The following SPI1 variants were observed in gnomAD, a reference collection of about 807,000 sequenced individuals.
The protein encoded by SPI1 is transcription factor PU.1.
Under a neutral mutation model 30.7 loss-of-function variants are expected in SPI1, and 3 were observed. The observed-to-expected ratio is 0.10, with a 90% CI of 0.04 to 0.25. The LOEUF (loss-of-function observed/expected upper bound fraction) is 0.25, where lower values mean the gene tolerates loss of function less well. Ranked by LOEUF, SPI1 falls within the 10% of genes least tolerant of loss-of-function variation. SPI1 has a pLI of 1.00. For synonymous variants in SPI1, 169 were observed against 157.1 expected (o/e 1.08, Z -0.56); for missense variants, 261 against 371.5 (o/e 0.70, Z 2.45).
intron 2 of SPI1, among the ~76,000 whole-genome samples, chr11:47,370,946 T>C (rs1276420537): frequency 6.6e-6 from 1 of 152,000 alleles, no homozygotes; most frequent in Non-Finnish European, 1.5e-5. Context: ...ATAAAATATA[T>C]CTCTAACTGA....
At chr11:47,358,685 G>A (rs560251741) in intron 4 of SPI1, 159 bp downstream of exon 4, 4 of 771,498 alleles carry the variant, frequency 5.2e-6, no homozygotes, top group African/African-American at 3.4e-5. Context: ...CACAGAGACA[G>A]CCACAGACAG....
chr11:47,357,702 A>AT (rs1264582965), intron 4 of SPI1, among the ~76,000 whole-genome samples: 1 of 152,196 alleles, frequency 6.6e-6, no homozygotes, highest in Non-Finnish European at 1.5e-5. Flanking sequence ...AGTAGCTGGG[A>AT]TTACAGGCGT....
At chr11:47,357,850 C>T (rs947201962) in intron 4 of SPI1, among the ~76,000 whole-genome samples, 3 of 152,058 alleles carry the variant, frequency 2.0e-5, no homozygotes, top group African/African-American at 7.3e-5. Flanking sequence ...CAGGCGTGAG[C>T]CACCACGCCC....
intron 2 of SPI1, among the ~76,000 whole-genome samples, chr11:47,362,668 C>G (rs60926634): frequency 6.6e-6 from 1 of 151,530 alleles, no homozygotes; most frequent in African/African-American, 2.4e-5. Flanking sequence ...CTCCACCTCC[C>G]GGGTTCAAGT....
chr11:47,360,240 A>G (rs1024712723), intron 2 of SPI1, among the ~76,000 whole-genome samples, 200 bp from the exon 3 acceptor site: 1 of 152,146 alleles, frequency 6.6e-6, no homozygotes, highest in Non-Finnish European at 1.5e-5. Context: ...AGCATGCCCA[A>G]GGTCAAAAGC....
rs936162700 is a variant in SPI1 at position 47,375,796 on chromosome 11, C to T, written c.46-67G>A. On this transcript the variant is annotated intron_variant, in intron 1 of 4. Transcript: ENST00000378538. This position sits in a 1 kb window ranked among gnomAD's most constrained non-coding sequence, Gnocchi z 4.2. Reference sequence around the variant, plus strand: ...GACCCCAGCCAGGCCTGCAGCACCCCCGCACGCTGGGTCCCCATCACCTTC... The same window carrying T: ...GACCCCAGCCAGGCCTGCAGCACCCTCGCACGCTGGGTCCCCATCACCTTC... The T allele has an allele frequency of 2.3e-6, 3 of 1,294,586 alleles. No homozygotes were observed. The Admixed American group carries it at 5.0e-5, about 22-fold the overall frequency. 80.2% of individuals were successfully genotyped at this position (1,294,586 alleles called of 1,614,324 possible). A position where few individuals can be genotyped will look rare whatever the true frequency, so the allele number is the denominator to read the frequency against.
chr11:47,358,958 C>G lies in SPI1; in HGVS notation c.379G>C (p.Ala127Pro). The change falls in exon 4 of 5, where the codon GCC becomes CCC. Residue 127 changes from alanine to proline, a missense_variant. Coordinates refer to ENST00000378538, the MANE Select transcript of SPI1 (RefSeq NM_003120.3). ...MCLQYPSLSP[A>P]QPSSDEEEGE... is the part of the protein sequence containing the mutation. ...TCCTCCTCATCTGAGCTGGGCTGGG[C>G]TGGGGACAGGGATGGGTACTGGAGG... 1 of 1,558,464 alleles carries G rather than the reference C, an allele frequency of 6.4e-7. No individual in the cohort carries two copies. The highest frequency in any genetic ancestry group is 8.7e-7 in the Non-Finnish European group (1 of 1,151,994).
At chr11:47,376,136 A>C in intron 1 of SPI1, among the ~76,000 whole-genome samples, 1 of 151,134 alleles carries the variant, frequency 6.6e-6, no homozygotes, top group Admixed American at 6.6e-5. Context: ...CACAGCCCCT[A>C]CCCACCCCCA....
At chr11:47,360,093 G>T in intron 2 of SPI1, 53 bp from the exon 3 acceptor site, 203 of 1,349,312 alleles carry the variant, frequency 1.5e-4, no homozygotes, top group Middle Eastern at 2.0e-4. Flanking sequence ...GGCAGGGCAG[G>T]AAAAGGTTAT....
chr11:47,359,839 G>A lies in SPI1; in HGVS notation c.330+14C>T. 6.2e-7 allele frequency: 1 copy of A among 1,601,780 alleles called. No homozygotes were observed. Among genetic ancestry groups the A allele is most frequent in the Non-Finnish European group, 8.5e-7 (1 of 1,179,524 alleles). On this transcript the variant is annotated intron_variant, in intron 3 of 4. Coordinates refer to ENST00000378538, the MANE Select transcript of SPI1 (RefSeq NM_003120.3). This position sits in a 1 kb window ranked among gnomAD's most constrained non-coding sequence, Gnocchi z 5.1. ...GGCAGTCTCCTGGGGGACGGGGCAG[G>A]CGGTGGCATGCACCTGGTGGCCAAG...
intron 1 of SPI1, among the ~76,000 whole-genome samples, chr11:47,376,644 C>T (rs986619416): frequency 6.0e-5 from 9 of 151,192 alleles, no homozygotes; most frequent in Non-Finnish European, 2.9e-5. Context: ...TGTCCTCCTT[C>T]TTTCCTCCCA....
intron 2 of SPI1, among the ~76,000 whole-genome samples, chr11:47,369,089 TACAC>T (rs1170748698): frequency 1.2e-4 from 18 of 152,058 alleles, no homozygotes; most frequent in African/African-American, 4.3e-4. Flanking sequence ...CTACTAAAAA[TACAC>T]ACAAAGAAAT....
rs182305916 is a variant in SPI1, at chr11:47,373,982, C to T, written c.142+1651G>A. 3.1e-3 allele frequency among the ~76,000 whole-genome samples: 467 copies of T among 152,356 alleles called. 1 individual carries two copies. Among genetic ancestry groups the T allele is most frequent in the Non-Finnish European group, 5.3e-3 (361 of 68,032 alleles). ...AGGAAAACTGAGGCTGCAAAAGGCC[C>T]AAAGGAAACGCACCCAAGCCCAGTG... On this transcript the variant is annotated intron_variant, in intron 2 of 4. Transcript: ENST00000378538.
At chr11:47,372,973 G>A (rs2095937814) in intron 2 of SPI1, among the ~76,000 whole-genome samples, 1 of 152,196 alleles carries the variant, frequency 6.6e-6, no homozygotes, top group Admixed American at 6.5e-5. Flanking sequence ...TAAAAATGTG[G>A]ACAAAGAGGA....
chr11:47,356,060 C>T (rs1595853816), intron 4 of SPI1, among the ~76,000 whole-genome samples: 1 of 151,752 alleles, frequency 6.6e-6, no homozygotes, highest in East Asian at 1.9e-4. Context: ...TGCTCACAGA[C>T]TCACACCCAC....
chr11:47,360,444 G>C (rs1030362661), intron 2 of SPI1, among the ~76,000 whole-genome samples: 5 of 152,170 alleles, frequency 3.3e-5, no homozygotes, highest in African/African-American at 1.2e-4. Flanking sequence ...CACAGTTATT[G>C]GGAAGATACG....
intron 1 of SPI1, among the ~76,000 whole-genome samples, chr11:47,376,416 G>A (rs2095942348): frequency 6.6e-6 from 1 of 152,132 alleles, no homozygotes; most frequent in Non-Finnish European, 1.5e-5. Context: ...CTGGGCAAGA[G>A]TGGCACCACA....
At chr11:47,372,681 T>C (rs1224658288) in intron 2 of SPI1, among the ~76,000 whole-genome samples, 1 of 152,148 alleles carries the variant, frequency 6.6e-6, no homozygotes, top group Admixed American at 6.6e-5. Flanking sequence ...CACAGAGCCC[T>C]CTGTGCTTTT....
intron 4 of SPI1, chr11:47,358,341 TC>T: frequency 1.7e-6 from 1 of 583,376 alleles, no homozygotes; most frequent in Non-Finnish European, 3.1e-6. Context: ...CATGCTCACA[TC>T]CCTGCTCACA....
Sources: gnomAD v4.1 joint callset for allele counts (sites outside exome capture counted in the v4.1 genomes callset) on GRCh38, gnomAD v4.1.1 for gene constraint, Gnocchi (gnomAD v3.1) non-coding constraint, MANE v1.5 for transcripts, NCBI Gene and HGNC (gene_info 2026-07-23, HGNC 2026-07-21) for gene names.